Variants in RGS3 observed in about 807,000 individuals in gnomAD.
RGS3 encodes the protein regulator of G protein signaling 3.
A neutral mutation model predicts 132.6 loss-of-function variants in RGS3; 80 were observed. That is an observed-to-expected ratio of 0.60 (90% confidence interval 0.50 to 0.73). RGS3 has a LOEUF of 0.73. Ranked by LOEUF, RGS3 falls within the 30% of genes least tolerant of loss-of-function variation. The pLI is 0.00. For missense variants in RGS3, 1,382 were observed against 1,530.8 expected (o/e 0.90, Z 1.62); for synonymous variants, 598 against 620.6 (o/e 0.96, Z 0.54).
At chr9:113,546,107 G>A (rs1833102688) in intron 19 of RGS3, among the ~76,000 whole-genome samples, 1 of 152,164 alleles carries the variant, frequency 6.6e-6, no homozygotes, top group South Asian at 2.1e-4. Flanking sequence ...GCTCTCCTTG[G>A]TAGCACTACA....
rs947385971 is a variant in RGS3, at chr9:113,498,095, G to C, written c.897+15G>C. On this transcript the variant is annotated intron_variant, in intron 10 of 24. Transcript: ENST00000350696. The stretch of plus-strand genomic sequence containing the variant: ...AGAAACTAAAGGTAGGTGGGGACAA[G>C]CTAGGGCATTGCTCCAGGAGCTGGA... The C allele has an allele frequency of 6.8e-6, 11 of 1,613,020 alleles. No homozygotes were observed. The South Asian group carries it at 8.8e-5, about 13-fold the overall frequency.
At chr9:113,520,743 A>G (rs746735539) in intron 16 of RGS3, among the ~76,000 whole-genome samples, 7 of 151,866 alleles carry the variant, frequency 4.6e-5, no homozygotes, top group Non-Finnish European at 8.8e-5. Flanking sequence ...CGGACTTTGA[A>G]GTCTTCTCAG....
Position 113,591,260 on chromosome 9 carries a change from C to G in RGS3, c.3016-73C>G. On this transcript the variant is annotated intron_variant, in intron 20 of 24. Coordinates refer to ENST00000350696, the Ensembl canonical transcript of RGS3. This position sits in a 1 kb window ranked among gnomAD's most constrained non-coding sequence, Gnocchi z 4.4. ...GGGCTGGTGGCAGGGAATGTTGGGT[C>G]TCTGAGCCTCTGTTTACTTAGGCAG... The G allele has an allele frequency of 1.5e-6, 2 of 1,372,760 alleles. No individual in the cohort carries two copies. Among genetic ancestry groups the G allele is most frequent in the Non-Finnish European group, 2.1e-6 (2 of 968,454 alleles). The allele number at this position is 1,372,760 out of a possible 1,614,324, so 85.0% of individuals were successfully genotyped here.
chr9:113,446,125 A>T (rs1352346805), intron 1 of RGS3, among the ~76,000 whole-genome samples: 1 of 152,234 alleles, frequency 6.6e-6, no homozygotes, highest in East Asian at 1.9e-4. Flanking sequence ...CTCTGGCCTT[A>T]GATAGAAATG....
At position 113,493,950 on chromosome 9, in the gene RGS3, T is replaced by C. The variant is rs118189914; in HGVS notation, c.690-1836T>C. Among the ~76,000 whole-genome samples the C allele has an allele frequency of 1.3e-3, 205 of 152,312 alleles. 1 individual carries two copies. The highest frequency in any genetic ancestry group is 6.8e-3 in the Middle Eastern group (2 of 294). On this transcript the variant is annotated intron_variant, in intron 7 of 24. Transcript: ENST00000350696. ...GCCTGTTCCATCTTTGGTTTTGATA[T>C]TGTGCCTTCCATAGGACATGCCAAA...
chr9:113,536,071 T>C (rs1832662615), intron 18 of RGS3, among the ~76,000 whole-genome samples: 1 of 152,146 alleles, frequency 6.6e-6, no homozygotes. Context: ...AAGGCCTTTC[T>C]AGGAGGGGTT....
At chr9:113,517,673 T>C (rs770913907) in intron 16 of RGS3, 49 bp downstream of exon 14, 28 of 1,437,220 alleles carry the variant, frequency 1.9e-5, no homozygotes, top group African/African-American at 4.2e-5. Context: ...GTGGGCTTCA[T>C]TGGCATTCTC....
At chr9:113,515,709 G>A (rs926660813) in intron 15 of RGS3, among the ~76,000 whole-genome samples, 4 of 152,118 alleles carry the variant, frequency 2.6e-5, no homozygotes, top group African/African-American at 4.8e-5. Flanking sequence ...GAACATTTCA[G>A]CATCTTTTCT....
chr9:113,587,486 T>G (rs1211136188), intron 20 of RGS3, among the ~76,000 whole-genome samples: 3 of 152,140 alleles, frequency 2.0e-5, no homozygotes, highest in Admixed American at 2.0e-4. Context: ...TTCTCTGAGC[T>G]TCGGTTTTCT....
chr9:113,557,641 C>A (rs374680131), intron 19 of RGS3, among the ~76,000 whole-genome samples: 19 of 152,312 alleles, frequency 1.2e-4, no homozygotes, highest in African/African-American at 4.6e-4. Flanking sequence ...ATGGTCCTCA[C>A]CCCACAGAGC....
chr9:113,448,454 T>A (rs996242075), intron 1 of RGS3, among the ~76,000 whole-genome samples: 4 of 152,188 alleles, frequency 2.6e-5, no homozygotes, highest in Non-Finnish European at 4.4e-5. Flanking sequence ...TTCTTCGACT[T>A]CTTCTTCCCC....
At chr9:113,553,421 C>A (rs1314457271) in intron 19 of RGS3, among the ~76,000 whole-genome samples, 1 of 91,922 alleles carries the variant, frequency 1.1e-5, no homozygotes, top group African/African-American at 4.4e-5. Context: ...CCAGCCTGGG[C>A]AACAGAGGGA....
At chr9:113,486,221 A>G (rs1311471731) in intron 7 of RGS3, among the ~76,000 whole-genome samples, 1 of 152,250 alleles carries the variant, frequency 6.6e-6, no homozygotes, top group Non-Finnish European at 1.5e-5. Flanking sequence ...GTGGTCTGAG[A>G]TGATCAAGGA....
intron 21 of RGS3, chr9:113,594,150 G>T (rs147596194): frequency 0.031 from 50,797 of 1,613,124 alleles, 951 homozygotes; most frequent in Non-Finnish European, 0.037. Context: ...CAGGATTCCA[G>T]AGAGCGTGTG....
At chr9:113,559,849 T>C (rs572671432) in intron 19 of RGS3, among the ~76,000 whole-genome samples, 8 of 152,354 alleles carry the variant, frequency 5.3e-5, no homozygotes, top group African/African-American at 1.9e-4. Flanking sequence ...CATTTAATTT[T>C]ACCATTTACA....
At chr9:113,517,426 T>A in intron 15 of RGS3, 115 bp from the exon 14 acceptor site, 1 of 823,860 alleles carries the variant, frequency 1.2e-6, no homozygotes. Context: ...GGGCTGACAG[T>A]CTTCTCTGGG....
At chr9:113,504,122 C>A (rs1339092987) in intron 10 of RGS3, among the ~76,000 whole-genome samples, 1 of 152,136 alleles carries the variant, frequency 6.6e-6, no homozygotes, top group Non-Finnish European at 1.5e-5. Flanking sequence ...AGCCCCCTCC[C>A]ACTCACCTTC....
At chr9:113,477,644 G>A (rs768246303) in intron 3 of RGS3, among the ~76,000 whole-genome samples, 18 of 152,190 alleles carry the variant, frequency 1.2e-4, no homozygotes, top group Non-Finnish European at 2.4e-4. Flanking sequence ...TGGAGTTCAG[G>A]TCTAGAGGAA....
At chr9:113,491,504 G>A (rs528240719) in intron 7 of RGS3, among the ~76,000 whole-genome samples, 5 of 151,772 alleles carry the variant, frequency 3.3e-5, no homozygotes, top group Admixed American at 3.3e-4. Context: ...ACCCGCCTTG[G>A]CCTCCCAAAG....
Sources: gnomAD v4.1 joint callset for allele counts (sites outside exome capture counted in the v4.1 genomes callset) on GRCh38, gnomAD v4.1.1 for gene constraint, Gnocchi (gnomAD v3.1) non-coding constraint, MANE v1.5 for transcripts, NCBI Gene and HGNC (gene_info 2026-07-23, HGNC 2026-07-21) for gene names.